The following KHDRBS2 variants were observed in gnomAD, a reference collection of about 807,000 sequenced individuals.
KHDRBS2 encodes the protein KH domain-containing, RNA-binding, signal transduction-associated protein 2.
Under a neutral mutation model 44.3 loss-of-function variants are expected in KHDRBS2, and 26 were observed. That is an observed-to-expected ratio of 0.59 (90% CI 0.43 to 0.81). The LOEUF is 0.81. KHDRBS2 is among the 40% of genes least tolerant of loss of function. The pLI, the probability that KHDRBS2 is intolerant of heterozygous loss-of-function variation, is 0.00. For synonymous variants in KHDRBS2, 194 were observed against 151.1 expected (o/e 1.28, Z -2.08); for missense variants, 476 against 433.1 (o/e 1.10, Z -0.88).
the KHDRBS2 span, among the ~76,000 whole-genome samples, chr6:61,622,844 G>C: frequency 0.19 from 29,275 of 152,036 alleles, 2,966 homozygotes; most frequent in African/African-American, 0.23. Context: ...GTCAGTGGTA[G>C]CTCTCCTCTG....
chr6:62,193,849 C>T (rs1325353481), intron 1 of KHDRBS2, among the ~76,000 whole-genome samples: 1 of 152,092 alleles, frequency 6.6e-6, no homozygotes. Context: ...CACATATTAA[C>T]ATTATCATTG....
intron 1 of KHDRBS2, among the ~76,000 whole-genome samples, chr6:62,285,598 A>G (rs947192058): frequency 1.8e-4 from 27 of 152,166 alleles, no homozygotes; most frequent in Non-Finnish European, 2.9e-4. Flanking sequence ...TTCTCTATCA[A>G]TGATCCTAAC....
chr6:61,734,828 T>C (rs1438161096), intron 6 of KHDRBS2, among the ~76,000 whole-genome samples: 1 of 152,178 alleles, frequency 6.6e-6, no homozygotes, highest in Non-Finnish European at 1.5e-5. Context: ...ATTTCTAAGA[T>C]TCAAAGACAT....
intron 1 of KHDRBS2, among the ~76,000 whole-genome samples, chr6:62,225,869 A>T (rs970105849): frequency 6.6e-6 from 1 of 152,162 alleles, no homozygotes; most frequent in African/African-American, 2.4e-5. Flanking sequence ...CCATGATCTC[A>T]TTGCTTTTTA....
At chr6:61,881,831 C>T (rs750822200) in intron 6 of KHDRBS2, among the ~76,000 whole-genome samples, 4 of 151,916 alleles carry the variant, frequency 2.6e-5, no homozygotes, top group Non-Finnish European at 4.4e-5. Context: ...TGCTCTGTAC[C>T]GGTGCAGAAC....
At chr6:62,048,121 T>TATAC (rs1554347729) in intron 2 of KHDRBS2, 127 bp from the exon 3 acceptor site, 3 of 405,536 alleles carry the variant, frequency 7.4e-6, no homozygotes, top group Non-Finnish European at 1.4e-5. Flanking sequence ...GCCATAAACA[T>TATAC]ACACACACAC....
intron 1 of KHDRBS2, among the ~76,000 whole-genome samples, chr6:62,187,464 A>G (rs960418640): frequency 3.9e-5 from 6 of 152,178 alleles, no homozygotes; most frequent in African/African-American, 1.4e-4. Context: ...CTAGGGAGGT[A>G]GAAAGTAAAT....
In KHDRBS2 at chr6:62,242,646, T is replaced by G. The variant is rs1009892866; in HGVS notation, c.91+43212A>C. Among the ~76,000 whole-genome samples, 380 of 151,854 alleles carry G rather than the reference T, an allele frequency of 2.5e-3. 3 individuals are homozygous for G. The highest frequency in any genetic ancestry group is 8.4e-3 in the African/African-American group (348 of 41,396). On this transcript the variant is annotated intron_variant, in intron 1 of 8. Coordinates refer to ENST00000281156, the MANE Select transcript of KHDRBS2 (RefSeq NM_152688.4). ...GAAAATCTTAATTTAAAAAAAAAAA[T>G]ATTTTTCCCCTAGGAGTTAACTACA... is the stretch of plus-strand genomic sequence containing the variant.
At chr6:61,871,899 C>T (rs1427085784) in intron 6 of KHDRBS2, among the ~76,000 whole-genome samples, 1 of 140,026 alleles carries the variant, frequency 7.1e-6, no homozygotes, top group East Asian at 2.1e-4. Context: ...ATCGTGAGTA[C>T]ACATGGACAC....
At chr6:61,853,282 G>C (rs186695205) in intron 6 of KHDRBS2, among the ~76,000 whole-genome samples, 2 of 152,008 alleles carry the variant, frequency 1.3e-5, no homozygotes, top group African/African-American at 4.8e-5. Flanking sequence ...GGTTATTAAG[G>C]CTATTTTTAT....
chr6:61,984,115 G>A (rs978610305), intron 3 of KHDRBS2, among the ~76,000 whole-genome samples: 4 of 152,012 alleles, frequency 2.6e-5, no homozygotes, highest in African/African-American at 9.7e-5. Flanking sequence ...CAGAACACTT[G>A]CACCTTCCAT....
chr6:61,770,075 G>A (rs1780626169), intron 6 of KHDRBS2, among the ~76,000 whole-genome samples: 2 of 152,208 alleles, frequency 1.3e-5, no homozygotes, highest in South Asian at 4.1e-4. Context: ...CAGGCAAACA[G>A]GGTCTGGAGT....
chr6:62,017,904 C>T (rs947669114), intron 3 of KHDRBS2, among the ~76,000 whole-genome samples: 1 of 151,926 alleles, frequency 6.6e-6, no homozygotes, highest in Admixed American at 6.6e-5. Context: ...CATCAATTTG[C>T]TTCAATTTTT....
intron 6 of KHDRBS2, among the ~76,000 whole-genome samples, chr6:61,863,058 G>T (rs983268831): frequency 2.0e-5 from 3 of 151,836 alleles, no homozygotes; most frequent in African/African-American, 7.2e-5. Flanking sequence ...CCTAGATTTT[G>T]TTATTTATAT....
chr6:61,903,178 G>C (rs543097092), intron 4 of KHDRBS2, among the ~76,000 whole-genome samples: 3 of 152,118 alleles, frequency 2.0e-5, no homozygotes, highest in South Asian at 2.1e-4. Flanking sequence ...ATAATGAATT[G>C]CCACTACTGA....
At chr6:61,915,556 G>A (rs377754735) in intron 4 of KHDRBS2, among the ~76,000 whole-genome samples, 35 of 152,000 alleles carry the variant, frequency 2.3e-4, no homozygotes, top group African/African-American at 6.5e-4. Flanking sequence ...AAATGTGGCC[G>A]AATGCCTATT....
At chr6:62,245,823 C>T (rs963858048) in intron 1 of KHDRBS2, among the ~76,000 whole-genome samples, 1 of 151,738 alleles carries the variant, frequency 6.6e-6, no homozygotes, top group African/African-American at 2.4e-5. Context: ...GATCTTCTCT[C>T]ACGTCTTTAG....
intron 4 of KHDRBS2, among the ~76,000 whole-genome samples, chr6:61,924,322 AT>A (rs1471142737): frequency 6.6e-6 from 1 of 151,992 alleles, no homozygotes; most frequent in South Asian, 2.1e-4. Context: ...GGAGGAAGAC[AT>A]TTTTTTACCA....
At chr6:61,604,704 G>A in the KHDRBS2 span, among the ~76,000 whole-genome samples, 2 of 152,152 alleles carry the variant, frequency 1.3e-5, no homozygotes, top group Non-Finnish European at 2.9e-5. Context: ...CAAGCTTGGG[G>A]ATTTGCCCCT....
Sources: allele counts gnomAD v4.1 joint callset (sites outside exome capture counted in the v4.1 genomes callset), GRCh38; gene constraint gnomAD v4.1.1; transcripts MANE v1.5; gene names NCBI Gene and HGNC (gene_info 2026-07-23, HGNC 2026-07-21).